The following KCNIP4 variants were observed in gnomAD, a reference collection of about 807,000 sequenced individuals.
The protein encoded by KCNIP4 is Kv channel-interacting protein 4.
A neutral mutation model predicts 34.0 loss-of-function variants in KCNIP4; 12 were observed. The observed-to-expected ratio is 0.35, with a 90% CI of 0.23 to 0.57. KCNIP4 has a LOEUF of 0.57. KCNIP4 is among the 20% of genes least tolerant of loss of function. KCNIP4 has a pLI of 0.83. For missense variants in KCNIP4, 238 were observed against 311.7 expected (o/e 0.76, Z 1.78); for synonymous variants, 124 against 102.2 (o/e 1.21, Z -1.29).
chr4:20,875,078 A>T (rs975566007), intron 2 of KCNIP4, among the ~76,000 whole-genome samples: 1 of 151,920 alleles, frequency 6.6e-6, no homozygotes, highest in Non-Finnish European at 1.5e-5. Flanking sequence ...TTATTCGTGG[A>T]TGGTGAAAGG....
intron 1 of KCNIP4, among the ~76,000 whole-genome samples, chr4:21,417,003 T>C (rs774968996): frequency 3.1e-4 from 47 of 152,202 alleles, no homozygotes; most frequent in Non-Finnish European, 5.7e-4. Context: ...AATGAAATCA[T>C]ATTTGCTGTT....
intron 1 of KCNIP4, among the ~76,000 whole-genome samples, chr4:21,299,477 TTACTAGA>T (rs1279556180): frequency 6.6e-6 from 1 of 152,192 alleles, no homozygotes; most frequent in Non-Finnish European, 1.5e-5. Flanking sequence ...CTTTATTTCA[TTACTAGA>T]TGGTGTAAAA....
At chr4:21,705,473 T>C (rs972613695) in intron 1 of KCNIP4, among the ~76,000 whole-genome samples, 2 of 152,184 alleles carry the variant, frequency 1.3e-5, no homozygotes, top group African/African-American at 4.8e-5. Flanking sequence ...AATAAAATTT[T>C]AAAAATACCT....
At chr4:21,547,898 C>T (rs1039349098) in intron 1 of KCNIP4, among the ~76,000 whole-genome samples, 12 of 151,912 alleles carry the variant, frequency 7.9e-5, no homozygotes, top group Non-Finnish European at 1.3e-4. Context: ...AATAATTTTG[C>T]GCCTGAAACA....
chr4:20,896,109 G>A (rs1023544103), intron 1 of KCNIP4, among the ~76,000 whole-genome samples: 2 of 152,124 alleles, frequency 1.3e-5, no homozygotes, highest in Non-Finnish European at 2.9e-5. Flanking sequence ...CTGCATTTCT[G>A]TATAGCAGAA....
At chr4:20,760,167 C>G (rs1754833532) in intron 3 of KCNIP4, among the ~76,000 whole-genome samples, 1 of 152,146 alleles carries the variant, frequency 6.6e-6, no homozygotes, top group South Asian at 2.1e-4. Context: ...TGTTTAGTCT[C>G]TTTTAGTAGA....
At chr4:21,104,203 C>T (rs1254034459) in intron 1 of KCNIP4, among the ~76,000 whole-genome samples, 1 of 151,768 alleles carries the variant, frequency 6.6e-6, no homozygotes, top group Non-Finnish European at 1.5e-5. Flanking sequence ...AGTTTACAGT[C>T]CCACCAACAG....
chr4:21,898,679 G>C (rs768330160), intron 1 of KCNIP4, among the ~76,000 whole-genome samples: 1 of 152,206 alleles, frequency 6.6e-6, no homozygotes, highest in Non-Finnish European at 1.5e-5. Flanking sequence ...GAGACTTAGA[G>C]CTGTGCAAAC....
intron 1 of KCNIP4, among the ~76,000 whole-genome samples, chr4:21,165,524 T>C (rs1753568947): frequency 6.9e-6 from 1 of 144,702 alleles, no homozygotes; most frequent in Admixed American, 7.4e-5. Context: ...ATTTAATTCA[T>C]ACCTCACACC....
chr4:21,552,261 C>T (rs559124919), intron 1 of KCNIP4, among the ~76,000 whole-genome samples: 7 of 152,138 alleles, frequency 4.6e-5, no homozygotes, highest in Non-Finnish European at 7.4e-5. Context: ...TTCAGTTCAA[C>T]CTACAGACAC....
intron 1 of KCNIP4, among the ~76,000 whole-genome samples, chr4:21,903,427 A>G (rs1293853818): frequency 6.6e-6 from 1 of 152,168 alleles, no homozygotes; most frequent in Non-Finnish European, 1.5e-5. Context: ...TTGCTACACT[A>G]ATTCTGCTAC....
At chr4:21,680,536 T>C (rs1750266772) in intron 1 of KCNIP4, among the ~76,000 whole-genome samples, 1 of 152,210 alleles carries the variant, frequency 6.6e-6, no homozygotes, top group South Asian at 2.1e-4. Flanking sequence ...TTCAATTTAC[T>C]TTTCCCAGAT....
intron 1 of KCNIP4, among the ~76,000 whole-genome samples, chr4:21,762,393 C>A (rs1475845986): frequency 6.6e-6 from 1 of 152,074 alleles, no homozygotes; most frequent in Non-Finnish European, 1.5e-5. Context: ...TGAAATGAAA[C>A]AAAGAAGATT....
At chr4:21,724,171 A>T (rs890652064) in intron 1 of KCNIP4, among the ~76,000 whole-genome samples, 19 of 152,252 alleles carry the variant, frequency 1.2e-4, no homozygotes, top group African/African-American at 4.6e-4. Flanking sequence ...AACTGGTCAA[A>T]CTATCACAGA....
intron 1 of KCNIP4, among the ~76,000 whole-genome samples, chr4:21,614,036 G>T (rs1055370908): frequency 6.6e-6 from 1 of 151,538 alleles, no homozygotes; most frequent in South Asian, 2.1e-4. Context: ...CTGTAATCCA[G>T]CTATGCGGGA....
chr4:21,571,692 T>C (rs914743028), intron 1 of KCNIP4, among the ~76,000 whole-genome samples: 17 of 152,130 alleles, frequency 1.1e-4, no homozygotes, highest in Non-Finnish European at 1.5e-4. Flanking sequence ...GAGACACTTA[T>C]TGCTCAGAGG....
chr4:21,901,728 A>AT (rs1377554886), intron 1 of KCNIP4, among the ~76,000 whole-genome samples: 6 of 152,194 alleles, frequency 3.9e-5, no homozygotes, highest in Non-Finnish European at 7.3e-5. Flanking sequence ...ATTCTTTAAT[A>AT]TTGCAAACTA....
intron 3 of KCNIP4, among the ~76,000 whole-genome samples, chr4:20,762,782 G>A (rs933767164): frequency 1.5e-4 from 23 of 152,120 alleles, no homozygotes; most frequent in African/African-American, 5.6e-4. Flanking sequence ...ATTACACTCA[G>A]CAGTTGTGTT....
intron 1 of KCNIP4, among the ~76,000 whole-genome samples, chr4:21,168,871 T>C (rs1031036552): frequency 6.6e-6 from 1 of 152,262 alleles, no homozygotes; most frequent in Non-Finnish European, 1.5e-5. Flanking sequence ...TCCTCTGGTG[T>C]AGCTCAAAGA....
Sources: allele counts gnomAD v4.1 joint callset (sites outside exome capture counted in the v4.1 genomes callset), GRCh38; gene constraint gnomAD v4.1.1; transcripts MANE v1.5; gene names NCBI Gene and HGNC (gene_info 2026-07-23, HGNC 2026-07-21).